Variants in ZIM2 observed in about 807,000 individuals in gnomAD.
The protein encoded by ZIM2 is zinc finger imprinted 2, also known as zinc finger protein 656.
Under a neutral mutation model 38.6 loss-of-function variants are expected in ZIM2, and 14 were observed. That is an observed-to-expected ratio of 0.36 (90% CI 0.24 to 0.57). ZIM2 has a LOEUF of 0.57. ZIM2 is among the 20% of genes least tolerant of loss of function. The pLI is 0.81. For synonymous variants in ZIM2, 247 were observed against 245.8 expected (o/e 1.00, Z -0.04); for missense variants, 680 against 695.1 (o/e 0.98, Z 0.24).
chr19:56,834,188 G>A (rs1174126190), intron 2 of ZIM2, among the ~76,000 whole-genome samples: 1 of 152,200 alleles, frequency 6.6e-6, no homozygotes, highest in Middle Eastern at 3.4e-3. Flanking sequence ...GTACTAAAAA[G>A]TAGGCCACAA....
Position 56,814,385 on chromosome 19 carries a change from G to A in ZIM2, c.490+3361C>T, listed in dbSNP as rs754025939. ...TCTTCTTCTTCTTCTTCCAGATGAAGCTCCTTATGTTTAGTGAGGACTGTG... is the reference window on the plus strand; with the variant it reads ...TCTTCTTCTTCTTCTTCCAGATGAAACTCCTTATGTTTAGTGAGGACTGTG... On this transcript the variant is annotated intron_variant, in intron 9 of 12. Coordinates refer to ENST00000629319, the MANE Select transcript of ZIM2 (RefSeq NM_001387356.1). This position sits in a 1 kb window ranked among gnomAD's most constrained non-coding sequence, Gnocchi z 5.8. 1 of 1,613,836 alleles carries A rather than the reference G, an allele frequency of 6.2e-7. No homozygotes were observed. The highest frequency in any genetic ancestry group is 8.5e-7 in the Non-Finnish European group (1 of 1,179,884).
At chr19:56,812,894 C>T (rs1040019465) in intron 9 of ZIM2, 1 of 984,882 alleles carries the variant, frequency 1.0e-6, no homozygotes, top group Admixed American at 6.2e-5. Flanking sequence ...TAACATGTGG[C>T]AACCAATCAA....
At chr19:56,839,945 G>C (rs1375163236) in intron 1 of ZIM2, among the ~76,000 whole-genome samples, 1 of 152,242 alleles carries the variant, frequency 6.6e-6, no homozygotes. Context: ...CCTTATTTAA[G>C]ATACCGCCCG....
chr19:56,817,134 G>A (rs1447298387), intron 9 of ZIM2: 2 of 1,614,138 alleles, frequency 1.2e-6, no homozygotes, highest in Non-Finnish European at 8.5e-7. Context: ...TAAAGGAGGG[G>A]GAGCTGAGGC....
intron 12 of ZIM2, among the ~76,000 whole-genome samples, chr19:56,777,412 G>A (rs1002149494): frequency 6.6e-6 from 1 of 152,166 alleles, no homozygotes; most frequent in Non-Finnish European, 1.5e-5. Context: ...CCTCCAACCT[G>A]ACCCCTCTAC....
chr19:56,802,658 A>G (rs966151098), intron 9 of ZIM2, among the ~76,000 whole-genome samples: 1 of 152,170 alleles, frequency 6.6e-6, no homozygotes, highest in African/African-American at 2.4e-5. Flanking sequence ...TCTGCATTCC[A>G]CTGGCCACAG....
intron 1 of ZIM2, among the ~76,000 whole-genome samples, chr19:56,837,344 C>T (rs2062265107): frequency 6.6e-6 from 1 of 152,188 alleles, no homozygotes; most frequent in South Asian, 2.1e-4. Flanking sequence ...TTTCCACCTC[C>T]AGCTGTACGA....
intron 9 of ZIM2, chr19:56,812,435 G>A (rs2059601540): frequency 2.0e-6 from 2 of 979,092 alleles, no homozygotes; most frequent in African/African-American, 1.8e-5. Flanking sequence ...TTTTTTTAAT[G>A]CAAGTTAGAC....
intron 9 of ZIM2, among the ~76,000 whole-genome samples, chr19:56,806,169 T>C (rs1474260238): frequency 6.6e-6 from 1 of 152,240 alleles, no homozygotes; most frequent in Non-Finnish European, 1.5e-5. Context: ...TTCTTGCAAC[T>C]TTCCCATGAG....
Position 56,774,672 on chromosome 19 carries a change from T to A in ZIM2, c.*16A>T. On this transcript the variant is annotated 3_prime_UTR_variant, in exon 13 of 13. Coordinates refer to ENST00000629319, the MANE Select transcript of ZIM2 (RefSeq NM_001387356.1). ...CAATAATGTTGAGAAAAGTGTGTGC[T>A]GTGACTAAAGGTTTCTCAACAGTGA... The A allele has an allele frequency of 1.2e-6, 2 of 1,609,638 alleles. No homozygotes were observed. Among genetic ancestry groups the A allele is most frequent in the East Asian group, 4.5e-5 (2 of 44,832 alleles).
At chr19:56,836,797 CT>C (rs1167424123) in intron 1 of ZIM2, among the ~76,000 whole-genome samples, 1 of 152,016 alleles carries the variant, frequency 6.6e-6, no homozygotes, top group Non-Finnish European at 1.5e-5. Context: ...GGCGAAACCC[CT>C]GGTCTACTAA....
chr19:56,797,701 T>A (rs1189001022), intron 9 of ZIM2, among the ~76,000 whole-genome samples: 1 of 152,180 alleles, frequency 6.6e-6, no homozygotes, highest in Admixed American at 6.5e-5. Flanking sequence ...TGGCCTTGGC[T>A]GCTCTACCAA....
chr19:56,816,677 C>T (rs1382328148), intron 9 of ZIM2: 1 of 1,613,980 alleles, frequency 6.2e-7, no homozygotes, highest in Non-Finnish European at 8.5e-7. Flanking sequence ...TTATCTTTGT[C>T]ATCCCCAAAG....
intron 11 of ZIM2, among the ~76,000 whole-genome samples, chr19:56,780,616 C>A (rs974997591): frequency 2.0e-5 from 3 of 152,106 alleles, no homozygotes; most frequent in East Asian, 3.9e-4. Flanking sequence ...CACACACACA[C>A]AAAAATGGAA....
At chr19:56,796,055 C>G (rs979137553) in intron 9 of ZIM2, among the ~76,000 whole-genome samples, 1 of 152,170 alleles carries the variant, frequency 6.6e-6, no homozygotes, top group African/African-American at 2.4e-5. Flanking sequence ...ACATACGTAA[C>G]CACTGTAACT....
At chr19:56,794,545 CAT>C (rs1275795369) in intron 9 of ZIM2, among the ~76,000 whole-genome samples, 1 of 152,202 alleles carries the variant, frequency 6.6e-6, no homozygotes, top group Non-Finnish European at 1.5e-5. Flanking sequence ...TCCCAAATTA[CAT>C]AGACAAAAGG....
At chr19:56,838,684 G>T (rs1189228266) in intron 1 of ZIM2, among the ~76,000 whole-genome samples, 3 of 152,186 alleles carry the variant, frequency 2.0e-5, no homozygotes, top group Non-Finnish European at 4.4e-5. Flanking sequence ...CTCCGCGGCC[G>T]CTAAGGCAAA....
In ZIM2 at chr19:56,775,362, TTC is replaced by T. The variant is rs1491144262; in HGVS notation, c.1001_1002del (p.Gly334GlufsTer28). 1 of 1,614,076 alleles carries T rather than the reference TTC, an allele frequency of 6.2e-7. No homozygotes were observed. The highest frequency in any genetic ancestry group is 1.7e-5 in the Admixed American group (1 of 60,004). Reference sequence around the variant, plus strand: ...GGAGCAGTGCCTTCCTGGGGATCCTTTCCTAGAGGATCCTTTGATTGTTTACT... The same window carrying T: ...GGAGCAGTGCCTTCCTGGGGATCCTTCTAGAGGATCCTTTGATTGTTTACT... ...NLSKQSKDPL[G>X]KDPQEGTAPG... On this transcript the variant is annotated frameshift_variant, in exon 13 of 13. Coordinates refer to ENST00000629319, the MANE Select transcript of ZIM2 (RefSeq NM_001387356.1). LOFTEE classifies it low-confidence loss of function (END_TRUNC).
chr19:56,840,535 A>C (rs1601376954), intron 1 of ZIM2, 47 bp downstream of exon 1: 1 of 152,244 alleles, frequency 6.6e-6, no homozygotes. Flanking sequence ...CGCGACACCA[A>C]GGTCCCGCGG....
Sources: allele counts gnomAD v4.1 joint callset (sites outside exome capture counted in the v4.1 genomes callset), GRCh38; gene constraint gnomAD v4.1.1; non-coding constraint Gnocchi (gnomAD v3.1); transcripts MANE v1.5; gene names NCBI Gene and HGNC (gene_info 2026-07-23, HGNC 2026-07-21).